The following CDH13 variants were observed in gnomAD, a reference collection of about 807,000 sequenced individuals.
CDH13 encodes cadherin-13.
CDH13 carries 24 observed loss-of-function variants against 63.8 expected under a neutral mutation model. The observed-to-expected ratio is 0.38, with a 90% confidence interval of 0.27 to 0.53. CDH13 has a LOEUF of 0.53. CDH13 is among the 20% of genes least tolerant of loss of function. The pLI, the probability that CDH13 is intolerant of heterozygous loss-of-function variation, is 0.85. For synonymous variants in CDH13, 503 were observed against 355.3 expected, an observed-to-expected ratio of 1.42 and a Z score of -4.67; for missense variants, 1,049 against 903.1, an observed-to-expected ratio of 1.16 and a Z score of -2.07.
chr16:82,848,724 A>C (rs935043843), intron 1 of CDH13, among the ~76,000 whole-genome samples: 1 of 152,174 alleles, frequency 6.6e-6, no homozygotes, highest in East Asian at 1.9e-4. Context: ...GAAACACAGC[A>C]ATATTGAAGT....
chr16:82,815,567 G>C (rs9926034), intron 1 of CDH13, among the ~76,000 whole-genome samples: 58,916 of 152,004 alleles, frequency 0.39, 12,291 homozygotes, highest in African/African-American at 0.55. Flanking sequence ...AAAGCCCACT[G>C]CTCTCAAAAG....
At chr16:82,715,916 C>A (rs1240961861) in intron 1 of CDH13, among the ~76,000 whole-genome samples, 1 of 152,224 alleles carries the variant, frequency 6.6e-6, no homozygotes, top group Non-Finnish European at 1.5e-5. Context: ...AGCCACATCA[C>A]AGTGTTACCA....
chr16:83,794,196 G>C (rs2326025), intron 13 of CDH13, among the ~76,000 whole-genome samples: 31,619 of 152,150 alleles, frequency 0.21, 4,353 homozygotes, highest in East Asian at 0.64. Context: ...TAAGAGAATA[G>C]ATTCGTGTTG....
chr16:82,779,248 T>A (rs12924657), intron 1 of CDH13, among the ~76,000 whole-genome samples: 1 of 152,078 alleles, frequency 6.6e-6, no homozygotes, highest in East Asian at 1.9e-4. Flanking sequence ...AACCGAGGTG[T>A]AGGGAAGTTG....
chr16:82,632,114 A>C (rs1025285510), intron 1 of CDH13, among the ~76,000 whole-genome samples: 1 of 152,168 alleles, frequency 6.6e-6, no homozygotes, highest in African/African-American at 2.4e-5. Flanking sequence ...GCCGTACTTG[A>C]CAGGGCTGAG....
intron 10 of CDH13, among the ~76,000 whole-genome samples, chr16:83,718,792 C>A (rs1909288129): frequency 6.6e-6 from 1 of 152,192 alleles, no homozygotes; most frequent in Admixed American, 6.5e-5. Flanking sequence ...TTTTGCTAAT[C>A]ATGTGAAACT....
chr16:83,590,787 C>G (rs533959262), intron 7 of CDH13, among the ~76,000 whole-genome samples: 1 of 152,050 alleles, frequency 6.6e-6, no homozygotes, highest in African/African-American at 2.4e-5. Flanking sequence ...ACGACATCAG[C>G]GTCTCCAAGA....
chr16:83,775,540 C>T (rs530443923), intron 11 of CDH13, among the ~76,000 whole-genome samples: 1 of 152,200 alleles, frequency 6.6e-6, no homozygotes, highest in African/African-American at 2.4e-5. Context: ...CCTGGGCTCC[C>T]TCCAGAAGGG....
At chr16:83,168,120 A>G (rs1400071812) in intron 4 of CDH13, among the ~76,000 whole-genome samples, 1 of 151,994 alleles carries the variant, frequency 6.6e-6, no homozygotes, top group African/African-American at 2.4e-5. Flanking sequence ...GACAGGACCA[A>G]TGATACTCAA....
At chr16:83,583,524 G>A (rs1353538432) in intron 7 of CDH13, among the ~76,000 whole-genome samples, 1 of 152,186 alleles carries the variant, frequency 6.6e-6, no homozygotes, top group Non-Finnish European at 1.5e-5. Flanking sequence ...AGGTCACATG[G>A]TCAACGATGT....
chr16:83,404,405 G>C (rs1221344915), intron 6 of CDH13, among the ~76,000 whole-genome samples: 1 of 152,116 alleles, frequency 6.6e-6, no homozygotes, highest in Non-Finnish European at 1.5e-5. Context: ...TTATAACGTT[G>C]TCATTATATC....
chr16:82,651,607 T>C (rs1244726014), intron 1 of CDH13, among the ~76,000 whole-genome samples: 2 of 152,162 alleles, frequency 1.3e-5, no homozygotes, highest in South Asian at 4.1e-4. Flanking sequence ...AATAACCCTA[T>C]TAGGGAGGTG....
rs1218382697 is a variant in CDH13 at position 83,692,790 on chromosome 16, A to G, written c.1538+14329A>G. Among the ~76,000 whole-genome samples the G allele has an allele frequency of 2.6e-5, 4 of 152,190 alleles. No individual in the cohort carries two copies. In the East Asian group the frequency reaches 7.7e-4, roughly 29 times the overall value. The stretch of plus-strand genomic sequence containing the variant: ...TGGTCTCTTACAGCCTTGCAAAGAA[A>G]AGCACATAGCCGGCTGGGCACGGTG... On this transcript the variant is annotated intron_variant, in intron 10 of 13. Transcript: ENST00000567109.
chr16:83,462,218 G>C (rs1333242078), intron 6 of CDH13, among the ~76,000 whole-genome samples: 3 of 152,214 alleles, frequency 2.0e-5, no homozygotes, highest in Non-Finnish European at 2.9e-5. Flanking sequence ...TGTTCAGCAG[G>C]ACCTGTCTCT....
chr16:82,975,636 A>G (rs1460374747), intron 2 of CDH13, among the ~76,000 whole-genome samples: 2 of 152,240 alleles, frequency 1.3e-5, no homozygotes, highest in East Asian at 3.8e-4. Flanking sequence ...AATTGTAATA[A>G]TAATTACAGT....
chr16:83,534,105 C>A (rs181109873), intron 7 of CDH13, among the ~76,000 whole-genome samples: 58 of 152,224 alleles, frequency 3.8e-4, no homozygotes, highest in Admixed American at 3.1e-3. Flanking sequence ...AAACCGCATA[C>A]CTGTTAAGTA....
At chr16:83,277,295 C>G (rs578067539) in intron 5 of CDH13, among the ~76,000 whole-genome samples, 2 of 152,294 alleles carry the variant, frequency 1.3e-5, no homozygotes, top group African/African-American at 4.8e-5. Flanking sequence ...GCAGGCTGAA[C>G]AAAGCCTGTC....
chr16:83,592,974 G>A (rs770643006), intron 7 of CDH13, among the ~76,000 whole-genome samples: 7 of 152,130 alleles, frequency 4.6e-5, no homozygotes, highest in Non-Finnish European at 1.0e-4. Context: ...ATGTGTAAGC[G>A]GTTCCTGCTG....
intron 1 of CDH13, among the ~76,000 whole-genome samples, chr16:82,784,660 G>A (rs993057885): frequency 3.9e-5 from 6 of 152,246 alleles, no homozygotes; most frequent in African/African-American, 1.4e-4. Flanking sequence ...AAGGGTCATA[G>A]GGGAAAACTT....
Sources: gnomAD v4.1 joint callset for allele counts (sites outside exome capture counted in the v4.1 genomes callset) on GRCh38, gnomAD v4.1.1 for gene constraint, MANE v1.5 for transcripts, NCBI Gene and HGNC (gene_info 2026-07-23, HGNC 2026-07-21) for gene names.